Variants in ZSWIM5 observed in about 807,000 individuals in gnomAD.
ZSWIM5 encodes zinc finger SWIM domain-containing protein 5.
In ZSWIM5, 55 loss-of-function variants were observed where a neutral mutation model predicts 119.6. The ratio of observed to expected loss-of-function variants is 0.46; its 90% CI spans 0.37 to 0.58. The LOEUF (loss-of-function observed/expected upper bound fraction) is 0.58, where lower values mean the gene tolerates loss of function less well. Ranked by LOEUF, ZSWIM5 falls within the 20% of genes least tolerant of loss-of-function variation. The probability of loss-of-function intolerance (pLI) is 0.00; values close to 1 mark genes in which losing one functional copy is unlikely to be tolerated. For missense variants in ZSWIM5, 1,193 were observed against 1,512.8 expected (o/e 0.79, Z 3.51); for synonymous variants, 537 against 606.9 (o/e 0.88, Z 1.69).
intron 1 of ZSWIM5, among the ~76,000 whole-genome samples, chr1:45,125,524 C>T (rs1246221947): frequency 6.6e-6 from 1 of 152,174 alleles, no homozygotes; most frequent in Non-Finnish European, 1.5e-5. Flanking sequence ...CCTATAATCC[C>T]AGCAATTTGG....
At chr1:45,169,423 C>A (rs74070881) in intron 1 of ZSWIM5, among the ~76,000 whole-genome samples, 1 of 151,986 alleles carries the variant, frequency 6.6e-6, no homozygotes, top group Non-Finnish European at 1.5e-5. Flanking sequence ...GATATCATTA[C>A]TTAAAAAAGA....
chr1:45,131,017 C>T (rs1029692076), intron 1 of ZSWIM5, among the ~76,000 whole-genome samples: 1 of 152,154 alleles, frequency 6.6e-6, no homozygotes, highest in Admixed American at 6.6e-5. Context: ...ATCTATGTAA[C>T]ATTTACATTT....
chr1:45,104,053 T>G (rs1645455325), intron 1 of ZSWIM5, among the ~76,000 whole-genome samples: 1 of 152,182 alleles, frequency 6.6e-6, no homozygotes, highest in South Asian at 2.1e-4. Context: ...AGTAACTTCT[T>G]TGACTGAGAA....
At chr1:45,193,567 A>AC (rs1646104348) in intron 1 of ZSWIM5, among the ~76,000 whole-genome samples, 1 of 152,274 alleles carries the variant, frequency 6.6e-6, no homozygotes, top group African/African-American at 2.4e-5. Context: ...ACTAGAAAAA[A>AC]GATACTGTGT....
chr1:45,205,089 G>A (rs1646179355), intron 1 of ZSWIM5, among the ~76,000 whole-genome samples: 1 of 151,166 alleles, frequency 6.6e-6, no homozygotes, highest in African/African-American at 2.4e-5. Context: ...GTCTGACAAG[G>A]AAGAGAGACC....
intron 1 of ZSWIM5, among the ~76,000 whole-genome samples, chr1:45,165,647 C>T (rs1159171468): frequency 6.6e-5 from 10 of 152,064 alleles, no homozygotes; most frequent in African/African-American, 2.4e-4. Flanking sequence ...CACCACCGAT[C>T]CCACAGAAAT....
intron 1 of ZSWIM5, among the ~76,000 whole-genome samples, chr1:45,122,747 G>A (rs1199606717): frequency 6.6e-6 from 1 of 152,084 alleles, no homozygotes; most frequent in Admixed American, 6.5e-5. Flanking sequence ...TCTAACTAAA[G>A]GGCAGCCTAG....
intron 2 of ZSWIM5, among the ~76,000 whole-genome samples, chr1:45,074,843 G>A (rs1017640338): frequency 6.6e-6 from 1 of 151,758 alleles, no homozygotes; most frequent in Admixed American, 6.6e-5. Context: ...TTTTGATGTA[G>A]GTACTTATAG....
At chr1:45,089,835 A>G (rs1645354010) in intron 1 of ZSWIM5, among the ~76,000 whole-genome samples, 1 of 152,138 alleles carries the variant, frequency 6.6e-6, no homozygotes, top group Non-Finnish European at 1.5e-5. Flanking sequence ...AGTAGCCGGT[A>G]TGGTGGCACG....
intron 1 of ZSWIM5, among the ~76,000 whole-genome samples, chr1:45,180,191 G>T (rs1646007496): frequency 6.6e-6 from 1 of 152,280 alleles, no homozygotes; most frequent in South Asian, 2.1e-4. Context: ...AAGGACAGGG[G>T]TGACAGACGG....
At chr1:45,051,944 C>T (rs902301667) in intron 4 of ZSWIM5, among the ~76,000 whole-genome samples, 1 of 151,638 alleles carries the variant, frequency 6.6e-6, no homozygotes, top group African/African-American at 2.4e-5. Context: ...TTTATTTGGA[C>T]TTGGATTTTC....
At chr1:45,038,136 A>G (rs886532788) in intron 8 of ZSWIM5, among the ~76,000 whole-genome samples, 3 of 152,226 alleles carry the variant, frequency 2.0e-5, no homozygotes, top group Non-Finnish European at 4.4e-5. Context: ...GTCTCTATCT[A>G]TTCTTGGCTA....
At chr1:45,083,083 G>T (rs1361636563) in intron 2 of ZSWIM5, among the ~76,000 whole-genome samples, 1 of 152,118 alleles carries the variant, frequency 6.6e-6, no homozygotes, top group African/African-American at 2.4e-5. Flanking sequence ...GGTCAGCGTA[G>T]AACAGCCTCT....
intron 10 of ZSWIM5, 137 bp from the exon 11 acceptor site, chr1:45,034,606 T>A: frequency 9.9e-7 from 1 of 1,006,800 alleles, no homozygotes. Flanking sequence ...TTTTTAAACC[T>A]ATGGTACTAT....
At chr1:45,139,928 G>A (rs1230523202) in intron 1 of ZSWIM5, among the ~76,000 whole-genome samples, 1 of 151,372 alleles carries the variant, frequency 6.6e-6, no homozygotes, top group Non-Finnish European at 1.5e-5. Context: ...GAAGAACACT[G>A]GAAACAGTAG....
At position 45,056,322 on chromosome 1, in the gene ZSWIM5, GTGACTCACGCC is replaced by G. The variant is rs1201564373; in HGVS notation, c.1252+2276_1252+2286del. On this transcript the variant is annotated intron_variant, in intron 4 of 13. Coordinates refer to ENST00000359600, the MANE Select transcript of ZSWIM5 (RefSeq NM_020883.2). ...AAGATATTAGAGCAGGTGAGGCACG[GTGACTCACGCC>G]TGTAATCTCAACACTTTGGGAGGCC... 2.6e-5 allele frequency among the ~76,000 whole-genome samples: 4 copies of G among 152,288 alleles called. No homozygotes were observed. In the East Asian group the frequency reaches 7.7e-4, roughly 29 times the overall value.
intron 5 of ZSWIM5, among the ~76,000 whole-genome samples, chr1:45,044,822 A>AATATATATATATAAATAT (rs1557746662): frequency 2.1e-3 from 3 of 1,396 alleles, no homozygotes; most frequent in African/African-American, 9.0e-3. Flanking sequence ...TATATATATA[A>AATATATATATATAAATAT]ATATATATAT....
chr1:45,035,972 C>T, intron 9 of ZSWIM5, 67 bp downstream of exon 9: 1 of 1,581,026 alleles, frequency 6.3e-7, no homozygotes, highest in Non-Finnish European at 8.6e-7. Context: ...TACTTGTACT[C>T]TATTGGAGAG....
intron 1 of ZSWIM5, among the ~76,000 whole-genome samples, chr1:45,186,763 G>A (rs923928383): frequency 2.0e-5 from 3 of 152,046 alleles, no homozygotes; most frequent in Admixed American, 6.6e-5. Context: ...CTAAATTTTT[G>A]TATTTTTAGT....
Sources: gnomAD v4.1 joint callset for allele counts (sites outside exome capture counted in the v4.1 genomes callset) on GRCh38, gnomAD v4.1.1 for gene constraint, MANE v1.5 for transcripts, NCBI Gene and HGNC (gene_info 2026-07-23, HGNC 2026-07-21) for gene names.